NLRP4: variants seen among roughly 807,000 people sequenced by gnomAD.
The protein encoded by NLRP4 is NACHT, LRR and PYD domains-containing protein 4.
A neutral mutation model predicts 84.7 loss-of-function variants in NLRP4; 44 were observed. The observed-to-expected ratio is 0.52, with a 90% CI of 0.41 to 0.67. NLRP4 has a LOEUF of 0.67. Among genes scored for constraint, NLRP4 ranks in the 30% least tolerant of loss-of-function variants. NLRP4 has a pLI of 0.00. For missense variants in NLRP4, 1,260 were observed against 1,219.4 expected, an observed-to-expected ratio of 1.03 and a Z score of -0.50; for synonymous variants, 544 against 476.4, an observed-to-expected ratio of 1.14 and a Z score of -1.85.
chr19:55,859,448 T>A (rs1568665904), intron 3 of NLRP4, among the ~76,000 whole-genome samples, 199 bp downstream of exon 3: 1 of 152,184 alleles, frequency 6.6e-6, no homozygotes, highest in Non-Finnish European at 1.5e-5. Flanking sequence ...GTGGCTGCAG[T>A]GGCCCCATTA....
intron 5 of NLRP4, among the ~76,000 whole-genome samples, chr19:55,866,615 T>A (rs548791052): frequency 2.6e-5 from 4 of 152,156 alleles, no homozygotes; most frequent in Non-Finnish European, 5.9e-5. Flanking sequence ...AAAGGAGTCC[T>A]AGGGGACTCG....
At position 55,848,777 on chromosome 19, in the gene NLRP4, C is replaced by T. The variant is rs75083593; in HGVS notation, c.-65-3239C>T. Among the ~76,000 whole-genome samples the T allele has an allele frequency of 8.9e-3, 1,361 of 152,258 alleles. 32 individuals are homozygous for T. Among genetic ancestry groups the T allele is most frequent in the Admixed American group, 0.051 (774 of 15,282 alleles). Reference sequence around the variant, plus strand: ...TTTGGCTGTGTCCCCACCCAAATCTCATCTTGAATTGTGGCTCCCATAATT... The same window carrying T: ...TTTGGCTGTGTCCCCACCCAAATCTTATCTTGAATTGTGGCTCCCATAATT... On this transcript the variant is annotated intron_variant, in intron 1 of 9. Transcript: ENST00000301295.
Position 55,881,554 on chromosome 19 carries a change from C to T in NLRP4, c.2952C>T (p.Asp984=), listed in dbSNP as rs12975929. Residue 984 remains aspartate (D), a synonymous_variant, in exon 10 of 10, where the codon GAC becomes GAT. Coordinates refer to ENST00000301295, the MANE Select transcript of NLRP4 (RefSeq NM_134444.5). ...EERNPNLTIT[D]DCDTITRVEI Reference sequence around the variant, plus strand: ...GAAATCCTAACCTGACCATCACAGACGACTGTGACACAATCACAAGGGTAG... The same window carrying T: ...GAAATCCTAACCTGACCATCACAGATGACTGTGACACAATCACAAGGGTAG... 372,350 of 1,596,210 alleles carry T rather than the reference C, an allele frequency of 0.23. 47,211 individuals carry two copies. Among genetic ancestry groups the T allele is most frequent in the South Asian group, 0.36 (32,512 of 90,558 alleles).
intron 2 of NLRP4, 102 bp downstream of exon 2, chr19:55,852,462 T>C: frequency 1.5e-6 from 1 of 683,548 alleles, no homozygotes; most frequent in South Asian, 2.0e-5. Flanking sequence ...GAATGTGCTA[T>C]GGGAAAATAT....
intron 9 of NLRP4, among the ~76,000 whole-genome samples, chr19:55,879,821 A>G (rs947914828): frequency 7.3e-6 from 1 of 137,132 alleles, no homozygotes; most frequent in African/African-American, 2.8e-5. Context: ...TACCTCCTAT[A>G]TCACTTATTA....
chr19:55,852,336 A>G lies in NLRP4; in HGVS notation c.256A>G (p.Met86Val). Reference protein sequence around the residue: ...FQKMDRKDLCMKVMRERTGYT... With the variant: ...FQKMDRKDLCVKVMRERTGYT... ...AAAGATGGATAGAAAGGATCTCTGC[A>G]TGAAGGTCATGAGGGAGAGAACAGG... The change falls in exon 2 of 10, where the codon ATG becomes GTG. Residue 86 changes from methionine to valine, a missense_variant. Met to Val is a conservative substitution (Grantham distance 21). Coordinates refer to ENST00000301295, the MANE Select transcript of NLRP4 (RefSeq NM_134444.5). 6.2e-7 allele frequency: 1 copy of G among 1,605,356 alleles called. No homozygotes were observed. The highest frequency in any genetic ancestry group is 1.7e-4 in the Middle Eastern group (1 of 6,024).
intron 5 of NLRP4, among the ~76,000 whole-genome samples, chr19:55,865,814 T>G (rs1258448293): frequency 1.3e-5 from 2 of 152,250 alleles, no homozygotes; most frequent in Non-Finnish European, 2.9e-5. Context: ...TTATGTTTTC[T>G]GATTACAAGT....
At chr19:55,866,848 A>G in intron 5 of NLRP4, among the ~76,000 whole-genome samples, 1 of 152,208 alleles carries the variant, frequency 6.6e-6, no homozygotes, top group East Asian at 1.9e-4. Context: ...AGCAACTGAA[A>G]AAGAACCAGG....
intron 8 of NLRP4, among the ~76,000 whole-genome samples, chr19:55,878,498 T>A (rs1471069540): frequency 1.8e-4 from 1 of 5,480 alleles, no homozygotes; most frequent in Admixed American, 1.4e-3. Context: ...TTCATACCTT[T>A]TTTTGGATAA....
chr19:55,849,831 A>AAGCTGCGGTATAATTTCCGT (rs1983950295), intron 1 of NLRP4, among the ~76,000 whole-genome samples: 1 of 114,628 alleles, frequency 8.7e-6, no homozygotes, highest in South Asian at 2.8e-4. Context: ...GTAATTTCCG[A>AAGCTGCGGTATAATTTCCGT]AGCTGCGGTG....
intron 3 of NLRP4, among the ~76,000 whole-genome samples, chr19:55,859,926 CAAA>C (rs1166037425): frequency 4.0e-4 from 7 of 17,498 alleles, no homozygotes; most frequent in Admixed American, 3.5e-3. Context: ...CTCTCATCTC[CAAA>C]AAAAAAAAAA....
rs115967813 is a variant in NLRP4, at chr19:55,865,513, T to C, written c.2187-2196T>C. Reference sequence around the variant, plus strand: ...GGATTGCTGGGTTTGATGGTAGTTGTGTTTGAAGTTCTTTCAGAAATTGCC... The same window carrying C: ...GGATTGCTGGGTTTGATGGTAGTTGCGTTTGAAGTTCTTTCAGAAATTGCC... On this transcript the variant is annotated intron_variant, in intron 5 of 9. Transcript: ENST00000301295. Among the ~76,000 whole-genome samples, 991 of 152,340 alleles carry C rather than the reference T, an allele frequency of 6.5e-3. 12 individuals are homozygous for C. Among genetic ancestry groups the C allele is most frequent in the African/African-American group, 0.021 (876 of 41,584 alleles).
chr19:55,859,492 T>C (rs1984632963), intron 3 of NLRP4, among the ~76,000 whole-genome samples: 1 of 151,830 alleles, frequency 6.6e-6, no homozygotes. Flanking sequence ...TTGTGAGGAG[T>C]GAATATGAGG....
chr19:55,861,711 T>C (rs769925916), intron 4 of NLRP4, among the ~76,000 whole-genome samples, 164 bp downstream of exon 4: 44 of 152,164 alleles, frequency 2.9e-4, no homozygotes, highest in Non-Finnish European at 5.9e-5. Flanking sequence ...TTCTTCATCA[T>C]AGGGGTTGTT....
intron 1 of NLRP4, among the ~76,000 whole-genome samples, chr19:55,846,264 T>C (rs1163083592): frequency 6.6e-6 from 1 of 152,196 alleles, no homozygotes; most frequent in East Asian, 1.9e-4. Context: ...CCCAGCACCA[T>C]TTATTAAATA....
In NLRP4 at chr19:55,842,060, T is replaced by TA. The variant is rs1335280179; in HGVS notation, c.-66+5128dup. On this transcript the variant is annotated intron_variant, in intron 1 of 9. Transcript: ENST00000301295. Reference sequence around the variant, plus strand: ...AACTTACATTCCTACCAATGGTGTGTAAGAGTTGCCTTTTCTCTGCATCCT... The same window carrying TA: ...AACTTACATTCCTACCAATGGTGTGTAAAGAGTTGCCTTTTCTCTGCATCCT... 2.6e-5 allele frequency among the ~76,000 whole-genome samples: 4 copies of TA among 152,364 alleles called. No individual in the cohort carries two copies. In the Middle Eastern group the frequency reaches 0.01, roughly 389 times the overall value.
At chr19:55,849,052 C>T (rs184147095) in intron 1 of NLRP4, among the ~76,000 whole-genome samples, 1 of 152,070 alleles carries the variant, frequency 6.6e-6, no homozygotes, top group African/African-American at 2.4e-5. Flanking sequence ...TTATAAATTA[C>T]CCAGTCTTGG....
chr19:55,842,696 A>G (rs1295738187), intron 1 of NLRP4, among the ~76,000 whole-genome samples: 1 of 152,052 alleles, frequency 6.6e-6, no homozygotes, highest in African/African-American at 2.4e-5. Context: ...AAAATTTCCT[A>G]TAGTGTAAGT....
intron 1 of NLRP4, among the ~76,000 whole-genome samples, chr19:55,849,687 C>G (rs541085503): frequency 6.6e-6 from 1 of 152,304 alleles, no homozygotes; most frequent in Admixed American, 6.5e-5. Context: ...GTGGGGCATG[C>G]CTTCTCTATT....
Sources: allele counts gnomAD v4.1 joint callset (sites outside exome capture counted in the v4.1 genomes callset), GRCh38; gene constraint gnomAD v4.1.1; transcripts MANE v1.5; gene names NCBI Gene and HGNC (gene_info 2026-07-23, HGNC 2026-07-21).